Variants in SCGB2A2 observed in about 807,000 individuals in gnomAD.
SCGB2A2 encodes the protein mammaglobin-A.
Under a neutral mutation model 8.8 loss-of-function variants are expected in SCGB2A2, and 11 were observed. That is an observed-to-expected ratio of 1.25 (90% CI 0.79 to 2.07). The LOEUF is 2.07. SCGB2A2 is among the 30% of genes most tolerant of loss of function. SCGB2A2 has a pLI of 0.00. For missense variants in SCGB2A2, 113 were observed against 109.9 expected (o/e 1.03, Z -0.13); for synonymous variants, 42 against 40.9 (o/e 1.03, Z -0.10).
chr11:62,270,408 T>A, intron 1 of SCGB2A2, 137 bp downstream of exon 1: 1 of 796,774 alleles, frequency 1.3e-6, no homozygotes, highest in East Asian at 2.7e-5. Flanking sequence ...TCTCACCATG[T>A]TGCCCAGGCT....
At chr11:62,271,327 C>T in intron 2 of SCGB2A2, 1 of 1,441,580 alleles carries the variant, frequency 6.9e-7, no homozygotes, top group Non-Finnish European at 9.0e-7. Flanking sequence ...CGGTAGAAGT[C>T]TTACCTATCC....
chr11:62,272,967 A>G lies in SCGB2A2; in HGVS notation c.254A>G (p.Tyr85Cys), dbSNP rs1057496927. 3 of 1,607,796 alleles carry G rather than the reference A, an allele frequency of 1.9e-6. No homozygotes were observed. The highest frequency in any genetic ancestry group is 1.3e-5 in the African/African-American group (1 of 74,754). ...GTTTTTGCTTTCTAGCAATTAATAT[A>G]TGACAGCAGTCTTTGTGATTTATTT... ...SNVEVFMQLI[Y>C]DSSLCDLF The change falls in exon 3 of 3, where the codon TAT becomes TGT. Residue 85 changes from tyrosine to cysteine, a missense_variant. By Grantham distance (194) the Tyr-to-Cys change is radical (BLOSUM62 -2). Coordinates refer to ENST00000227918, the MANE Select transcript of SCGB2A2 (RefSeq NM_002411.4).
At position 62,272,042 on chromosome 11, in the gene SCGB2A2, T is replaced by TAAAA. The variant is rs71053028; in HGVS notation, c.244-897_244-894dup. On this transcript the variant is annotated intron_variant, in intron 2 of 2. Transcript: ENST00000227918. ...AAATTCTTCTTTAATCCTTCCCTGG[T>TAAAA]AAAAAAAAAAAAAAAAAAAAAGTTA... is the stretch of plus-strand genomic sequence containing the variant. The TAAAA allele has an allele frequency of 6.7e-3, 1,431 of 213,936 alleles. 19 individuals are homozygous for TAAAA. The highest frequency in any genetic ancestry group is 0.029 in the African/African-American group (829 of 28,938). The allele number at this position is 213,936 out of a possible 1,614,324, so 13.3% of individuals were successfully genotyped here. A position where few individuals can be genotyped will look rare whatever the true frequency, so the allele number is the denominator to read the frequency against.
At chr11:62,271,946 T>C (rs1945282514) in intron 2 of SCGB2A2, 4 of 946,272 alleles carry the variant, frequency 4.2e-6, no homozygotes, top group Non-Finnish European at 5.0e-6. Flanking sequence ...CAAAAACCAA[T>C]AGTTTTGTAT....
chr11:62,270,311 T>G (rs1485881559), intron 1 of SCGB2A2, 40 bp downstream of exon 1: 18 of 1,596,138 alleles, frequency 1.1e-5, no homozygotes, highest in Non-Finnish European at 1.5e-5. Context: ...GGGTTAGGGG[T>G]TGTCACTTGG....
intron 2 of SCGB2A2, among the ~76,000 whole-genome samples, chr11:62,272,397 C>T (rs967511462): frequency 1.3e-5 from 2 of 152,150 alleles, no homozygotes; most frequent in Admixed American, 1.3e-4. Context: ...ACAGAACACT[C>T]CGAACTGTCC....
At chr11:62,271,147 G>A (rs867552370) in intron 2 of SCGB2A2, 79 bp downstream of exon 2, 6 of 1,609,376 alleles carry the variant, frequency 3.7e-6, no homozygotes, top group Admixed American at 1.7e-5. Context: ...CACTGACAAT[G>A]CCAAAGCCAC....
intron 2 of SCGB2A2, chr11:62,271,315 G>A (rs974378255): frequency 1.2e-5 from 17 of 1,442,858 alleles, no homozygotes; most frequent in Non-Finnish European, 1.5e-5. Context: ...AAAAGGAAAG[G>A]TCGGTAGAAG....
chr11:62,271,319 G>A (rs554542997), intron 2 of SCGB2A2: 2 of 1,442,670 alleles, frequency 1.4e-6, no homozygotes, highest in South Asian at 1.5e-5. Flanking sequence ...GGAAAGGTCG[G>A]TAGAAGTCTT....
At chr11:62,271,518 C>A in intron 2 of SCGB2A2, 1 of 1,191,840 alleles carries the variant, frequency 8.4e-7, no homozygotes, top group Non-Finnish European at 1.0e-6. Flanking sequence ...GACACAGACA[C>A]AATCACACCA....
rs189723654 is a variant in SCGB2A2, at chr11:62,270,911, T to C, written c.86T>C (p.Ile29Thr). 3.1e-6 allele frequency: 5 copies of C among 1,614,092 alleles called. No individual in the cohort carries two copies. The Admixed American group carries it at 5.0e-5, about 16-fold the overall frequency. The change falls in exon 2 of 3, where the codon ATT becomes ACT. Residue 29 changes from isoleucine (I) to threonine (T), a missense_variant. Ile to Thr is a moderately conservative substitution (Grantham distance 89). Coordinates refer to ENST00000227918, the MANE Select transcript of SCGB2A2 (RefSeq NM_002411.4). ...GSGCPLLENV[I>T]SKTINPQVSK... ...GGCTGCCCCTTATTGGAGAATGTGA[T>C]TTCCAAGACAATCAATCCACAAGTG...
At chr11:62,272,706 A>G (rs1213392700) in intron 2 of SCGB2A2, among the ~76,000 whole-genome samples, 1 of 141,650 alleles carries the variant, frequency 7.1e-6, no homozygotes, top group East Asian at 2.1e-4. Flanking sequence ...CTGTGAAAAT[A>G]GGTAATATAG....
chr11:62,271,498 CACAG>C (rs1945278829), intron 2 of SCGB2A2: 2 of 1,213,470 alleles, frequency 1.6e-6, no homozygotes, highest in African/African-American at 1.6e-5. Flanking sequence ...CAGGCAAAGA[CACAG>C]ACACAGACAC....
rs1166456884 is a variant in SCGB2A2 at position 62,271,071 on chromosome 11, A to C, written c.243+3A>C. On this transcript the variant is annotated splice_donor_region_variant and intron_variant, in intron 2 of 2. Transcript: ENST00000227918. ...TGAGCAATGTTGAGGTGTTTATGGT[A>C]ATTTCATTTTCTTCCTATAAGCTTT... is the stretch of plus-strand genomic sequence containing the variant. The C allele has an allele frequency of 6.2e-7, 1 of 1,614,184 alleles. No homozygotes were observed. The highest frequency in any genetic ancestry group is 1.1e-5 in the South Asian group (1 of 91,082).
At chr11:62,272,418 G>T (rs563913079) in intron 2 of SCGB2A2, among the ~76,000 whole-genome samples, 18 of 152,220 alleles carry the variant, frequency 1.2e-4, no homozygotes, top group Non-Finnish European at 2.4e-4. Flanking sequence ...CCTTAAAATG[G>T]CAAATTTTAT....
intron 2 of SCGB2A2, chr11:62,271,446 CACAA>C (rs1945278326): frequency 7.3e-7 from 1 of 1,363,016 alleles, no homozygotes; most frequent in Non-Finnish European, 9.4e-7. Flanking sequence ...GTCACAATCA[CACAA>C]ACACACACAC....
In SCGB2A2 at chr11:62,270,263, G is replaced by A. The variant is rs1565133665; in HGVS notation, c.47G>A (p.Cys16Tyr). Residue 16 changes from cysteine (C) to tyrosine (Y), a missense_variant, in exon 1 of 3, where the codon TGC becomes TAC. Cys to Tyr is a radical substitution (Grantham distance 194). Transcript: ENST00000227918. Reference protein sequence around the residue: ...VLMLAALSQHCYAGSGCPLLE... With the variant: ...VLMLAALSQHYYAGSGCPLLE... ...ATGCTGGCGGCCCTCTCCCAGCACTGCTACGCAGGTGAGTTCTGTGCAGGG... is the reference window on the plus strand; with the variant it reads ...ATGCTGGCGGCCCTCTCCCAGCACTACTACGCAGGTGAGTTCTGTGCAGGG... 6.2e-7 allele frequency: 1 copy of A among 1,613,874 alleles called. No individual in the cohort carries two copies. The highest frequency in any genetic ancestry group is 8.5e-7 in the Non-Finnish European group (1 of 1,179,908).
chr11:62,272,213 C>T (rs1486417117), intron 2 of SCGB2A2: 1 of 159,132 alleles, frequency 6.3e-6, no homozygotes, highest in Non-Finnish European at 1.3e-5. Context: ...TGCTGCATGA[C>T]CCATGCATAT....
intron 2 of SCGB2A2, among the ~76,000 whole-genome samples, chr11:62,272,309 T>A (rs891227716): frequency 1.3e-5 from 2 of 150,002 alleles, no homozygotes; most frequent in Non-Finnish European, 3.0e-5. Context: ...GAAGGGGGAG[T>A]CATATTTAAT....
Sources: allele counts gnomAD v4.1 joint callset (sites outside exome capture counted in the v4.1 genomes callset), GRCh38; gene constraint gnomAD v4.1.1; transcripts MANE v1.5; gene names NCBI Gene and HGNC (gene_info 2026-07-23, HGNC 2026-07-21).